FAM161A: variants seen among roughly 807,000 people sequenced by gnomAD.
The protein encoded by FAM161A is protein FAM161A.
Under a neutral mutation model 70.9 loss-of-function variants are expected in FAM161A, and 57 were observed. The observed-to-expected ratio is 0.80, with a 90% CI of 0.65 to 1.00. The LOEUF is 1.00. Ranked by LOEUF, FAM161A falls within the 50% of genes least tolerant of loss-of-function variation. The pLI is 0.00. For synonymous variants in FAM161A, 299 were observed against 295.7 expected, an observed-to-expected ratio of 1.01 and a Z score of -0.12; for missense variants, 880 against 836.0, an observed-to-expected ratio of 1.05 and a Z score of -0.65.
intron 5 of FAM161A, among the ~76,000 whole-genome samples, chr2:61,830,959 A>C (rs1011530328): frequency 5.3e-5 from 8 of 151,632 alleles, no homozygotes; most frequent in African/African-American, 1.5e-4. Context: ...AAATACAAAA[A>C]AAATTAGCCA....
intron 1 of FAM161A, among the ~76,000 whole-genome samples, chr2:61,846,068 G>GATCAAGCA (rs1673199211): frequency 7.6e-6 from 1 of 130,924 alleles, no homozygotes; most frequent in Non-Finnish European, 1.6e-5. Flanking sequence ...TAGCTTCGGC[G>GATCAAGCA]ATCAAGCAAG....
the FAM161A span, among the ~76,000 whole-genome samples, chr2:61,815,737 G>T: frequency 6.6e-6 from 1 of 151,588 alleles, no homozygotes; most frequent in African/African-American, 2.4e-5. Context: ...TTTTAGTAGA[G>T]ACTGGGTTTC....
chr2:61,833,289 G>A (rs181982278), intron 5 of FAM161A, among the ~76,000 whole-genome samples: 1 of 151,990 alleles, frequency 6.6e-6, no homozygotes, highest in Non-Finnish European at 1.5e-5. Flanking sequence ...AGCTAGGCAC[G>A]GTGGCGCGCA....
rs373227691 is a variant in FAM161A, at chr2:61,835,991, A to T, written c.1851+19T>A. 6.5e-6 allele frequency: 10 copies of T among 1,538,744 alleles called. No individual in the cohort carries two copies. The highest frequency in any genetic ancestry group is 8.9e-6 in the Non-Finnish European group (10 of 1,121,936). ...AAAAAAAAAACTGACGATAGCTCTT[A>T]AATTCCAATAAACACAACCTGAGCA... On this transcript the variant is annotated intron_variant, in intron 5 of 6. Coordinates refer to ENST00000404929, the MANE Select transcript of FAM161A (RefSeq NM_001201543.2).
At chr2:61,811,222 G>C in the FAM161A span, among the ~76,000 whole-genome samples, 1 of 152,064 alleles carries the variant, frequency 6.6e-6, no homozygotes. Context: ...TTATGAGACA[G>C]AGTCTTACCC....
intron 4 of FAM161A, among the ~76,000 whole-genome samples, chr2:61,838,334 C>G (rs1310024980): frequency 3.3e-5 from 5 of 152,168 alleles, no homozygotes; most frequent in Admixed American, 2.0e-4. Flanking sequence ...CTTCATGGTT[C>G]TCACCATAAA....
chr2:61,804,356 A>G, the FAM161A span, among the ~76,000 whole-genome samples: 1 of 152,126 alleles, frequency 6.6e-6, no homozygotes, highest in Admixed American at 6.6e-5. Context: ...CTGGGAATAC[A>G]GCCCAGTAGG....
chr2:61,832,172 G>GGGGTTAAAGTTGCAGT (rs1272542230), intron 5 of FAM161A, among the ~76,000 whole-genome samples: 4 of 151,576 alleles, frequency 2.6e-5, no homozygotes, highest in Non-Finnish European at 5.9e-5. Context: ...CTGAGCCCAA[G>GGGGTTAAAGTTGCAGT]GGGTTAAAGT....
the FAM161A span, among the ~76,000 whole-genome samples, chr2:61,806,095 G>A: frequency 6.6e-6 from 1 of 152,108 alleles, no homozygotes; most frequent in Non-Finnish European, 1.5e-5. Flanking sequence ...GCACATGCCT[G>A]TAATTCCAGC....
intron 4 of FAM161A, among the ~76,000 whole-genome samples, chr2:61,837,233 G>C (rs1378911015): frequency 1.3e-5 from 2 of 152,012 alleles, no homozygotes; most frequent in Non-Finnish European, 2.9e-5. Context: ...AATTCAATGG[G>C]AGCAAGTCAA....
At chr2:61,819,323 T>G in the FAM161A span, among the ~76,000 whole-genome samples, 2 of 151,980 alleles carry the variant, frequency 1.3e-5, no homozygotes, top group Non-Finnish European at 2.9e-5. Flanking sequence ...TAGCCGGGCA[T>G]GGTGGTGGCG....
chr2:61,840,649 C>T, intron 2 of FAM161A, 68 bp from the exon 3 acceptor site: 1 of 1,275,218 alleles, frequency 7.8e-7, no homozygotes, highest in Non-Finnish European at 1.1e-6. Flanking sequence ...TTAAGAGTTA[C>T]ATATTTTCTT....
chr2:61,818,882 A>T, the FAM161A span, among the ~76,000 whole-genome samples: 1 of 152,218 alleles, frequency 6.6e-6, no homozygotes, highest in Non-Finnish European at 1.5e-5. Context: ...GCATCAAGGG[A>T]TACAGTGCCT....
At chr2:61,808,561 C>T in the FAM161A span, among the ~76,000 whole-genome samples, 86 of 152,234 alleles carry the variant, frequency 5.6e-4, no homozygotes, top group Non-Finnish European at 9.6e-4. Context: ...CATGAGCCAC[C>T]GTGCCTGGCC....
At position 61,825,828 on chromosome 2, in the gene FAM161A, G is replaced by A. The variant is rs1210192889; in HGVS notation, c.*627C>T. The A allele has an allele frequency of 9.2e-6, 4 of 436,318 alleles. No individual in the cohort carries two copies. The highest frequency in any genetic ancestry group is 3.2e-5 in the South Asian group (2 of 61,592). The allele number at this position is 436,318 out of a possible 1,614,324, so 27.0% of individuals were successfully genotyped here. A position where few individuals can be genotyped will look rare whatever the true frequency, so the allele number is the denominator to read the frequency against. ...AATTTTTTGTATTTTTAGTAGAGAC[G>A]GGGTTTCATCGTGTTAGCCAGGATG... On this transcript the variant is annotated 3_prime_UTR_variant, in exon 7 of 7. Transcript: ENST00000404929.
At chr2:61,806,925 C>G in the FAM161A span, among the ~76,000 whole-genome samples, 18 of 152,080 alleles carry the variant, frequency 1.2e-4, no homozygotes, top group African/African-American at 3.9e-4. Flanking sequence ...ATCTCCTGAC[C>G]TCATGATCCA....
the FAM161A span, among the ~76,000 whole-genome samples, chr2:61,816,950 C>T: frequency 6.6e-6 from 1 of 152,160 alleles, no homozygotes; most frequent in African/African-American, 2.4e-5. Context: ...TGGAGTCACA[C>T]ACCCGGAGTG....
chr2:61,816,259 T>C, the FAM161A span, among the ~76,000 whole-genome samples: 1 of 152,236 alleles, frequency 6.6e-6, no homozygotes, highest in South Asian at 2.1e-4. Flanking sequence ...ACACACTTTT[T>C]TCACTTTATT....
downstream of FAM161A, among the ~76,000 whole-genome samples, chr2:61,822,139 G>C (rs1435665465): frequency 6.6e-6 from 1 of 151,724 alleles, no homozygotes; most frequent in African/African-American, 2.4e-5. Flanking sequence ...ATACTATAAA[G>C]GTTATTCCTG....
Sources: gnomAD v4.1 joint callset for allele counts (sites outside exome capture counted in the v4.1 genomes callset) on GRCh38, gnomAD v4.1.1 for gene constraint, MANE v1.5 for transcripts, NCBI Gene and HGNC (gene_info 2026-07-23, HGNC 2026-07-21) for gene names.